Variants in KAT2B observed in about 807,000 individuals in gnomAD.
The protein encoded by KAT2B is histone acetyltransferase KAT2B.
A neutral mutation model predicts 105.9 loss-of-function variants in KAT2B; 36 were observed. That is an observed-to-expected ratio of 0.34 (90% CI 0.26 to 0.45). The LOEUF is 0.45. Among genes scored for constraint, KAT2B ranks in the 20% least tolerant of loss-of-function variants. KAT2B has a pLI of 1.00. For synonymous variants in KAT2B, 397 were observed against 377.9 expected, an observed-to-expected ratio of 1.05 and a Z score of -0.59; for missense variants, 820 against 1,021.6, an observed-to-expected ratio of 0.80 and a Z score of 2.69.
intron 11 of KAT2B, among the ~76,000 whole-genome samples, chr3:20,136,389 A>G (rs1699599337): frequency 1.3e-5 from 2 of 152,180 alleles, no homozygotes; most frequent in Admixed American, 6.5e-5. Flanking sequence ...GGCTTCTCAG[A>G]CCTTACTTGG....
intron 2 of KAT2B, among the ~76,000 whole-genome samples, chr3:20,092,728 A>C (rs940694432): frequency 1.3e-5 from 2 of 150,420 alleles, no homozygotes; most frequent in Non-Finnish European, 3.0e-5. Context: ...TTTGAGATGG[A>C]GTCTCCCTCT....
chr3:20,094,508 A>G (rs1698776087), intron 2 of KAT2B, among the ~76,000 whole-genome samples: 1 of 152,070 alleles, frequency 6.6e-6, no homozygotes, highest in African/African-American at 2.4e-5. Context: ...ACCGCATGGG[A>G]TTGGGGATTA....
At chr3:20,113,753 T>A (rs1291665349) in intron 6 of KAT2B, among the ~76,000 whole-genome samples, 1 of 152,170 alleles carries the variant, frequency 6.6e-6, no homozygotes, top group Non-Finnish European at 1.5e-5. Flanking sequence ...GTCTCTGCAA[T>A]TCTCAGATGT....
At chr3:20,129,145 T>C (rs1483337728) in intron 11 of KAT2B, among the ~76,000 whole-genome samples, 1 of 150,950 alleles carries the variant, frequency 6.6e-6, no homozygotes, top group Non-Finnish European at 1.5e-5. Context: ...CCAATAGAAA[T>C]ATAAAGCAGC....
chr3:20,147,211 A>G (rs1699795786), intron 14 of KAT2B, among the ~76,000 whole-genome samples: 1 of 152,238 alleles, frequency 6.6e-6, no homozygotes, highest in African/African-American at 2.4e-5. Flanking sequence ...TGGACAAGAT[A>G]TATCACTTTA....
intron 2 of KAT2B, among the ~76,000 whole-genome samples, chr3:20,076,469 A>G (rs745647726): frequency 7.9e-5 from 12 of 152,218 alleles, no homozygotes; most frequent in Non-Finnish European, 1.6e-4. Flanking sequence ...TGGTCTTAGT[A>G]TAACAGCTCT....
At chr3:20,105,394 G>A (rs76025131) in intron 5 of KAT2B, among the ~76,000 whole-genome samples, 2,120 of 152,280 alleles carry the variant, frequency 0.014, 48 homozygotes, top group African/African-American at 0.049. Flanking sequence ...TCTGCTGAAG[G>A]AAAGTGCAAG....
intron 9 of KAT2B, among the ~76,000 whole-genome samples, chr3:20,124,874 G>A (rs1699371316): frequency 6.6e-6 from 1 of 152,194 alleles, no homozygotes; most frequent in Non-Finnish European, 1.5e-5. Flanking sequence ...TCCTTGAAGA[G>A]CTGTTTGTGG....
chr3:20,111,485 G>A, intron 5 of KAT2B, 111 bp from the exon 6 acceptor site: 1 of 826,358 alleles, frequency 1.2e-6, no homozygotes, highest in Non-Finnish European at 1.9e-6. Context: ...TGTTATTGCA[G>A]GCCTAGTTTT....
intron 6 of KAT2B, among the ~76,000 whole-genome samples, chr3:20,114,114 C>T (rs957443516): frequency 1.3e-5 from 2 of 151,950 alleles, no homozygotes; most frequent in African/African-American, 4.8e-5. Flanking sequence ...CTTTTTAAAT[C>T]ACCTGCCCTA....
At chr3:20,049,968 G>A (rs1697886225) in intron 1 of KAT2B, among the ~76,000 whole-genome samples, 1 of 152,196 alleles carries the variant, frequency 6.6e-6, no homozygotes. Context: ...GGGAGGCTGA[G>A]GCAGGCGGAT....
rs142082974 is a variant in KAT2B, at chr3:20,101,432, A to G, written c.815A>G (p.Asn272Ser). ...APSQRRLRSP[N>S]DDISGYKENY... ...TCTCAACGAAGACTGCGATCTCCCA[A>G]TGATGATATTTCTGGATACAAAGAG... The change falls in exon 5 of 18, where the codon AAT becomes AGT. Residue 272 changes from asparagine to serine, a missense_variant. Asn to Ser is a conservative substitution (Grantham distance 46). Around this residue, in one of 6 missense-constraint regions of KAT2B, gnomAD observed 173 missense variants for 249.5 expected, o/e 0.69. Coordinates refer to ENST00000263754, the MANE Select transcript of KAT2B (RefSeq NM_003884.5). 3.2e-5 allele frequency: 51 copies of G among 1,613,902 alleles called. No individual in the cohort carries two copies. The highest frequency in any genetic ancestry group is 5.3e-5 in the African/African-American group (4 of 74,904).
In KAT2B at chr3:20,103,436, G is replaced by A. The variant is rs969184963; in HGVS notation, c.851+1968G>A. Among the ~76,000 whole-genome samples, 22 of 152,070 alleles carry A rather than the reference G, an allele frequency of 1.4e-4. 1 individual carries two copies. Among genetic ancestry groups the A allele is most frequent in the African/African-American group, 4.8e-4 (20 of 41,402 alleles). ...TATTTTTATTTTTTTTAGAGATGGT[G>A]TCTTATTCTGTATCCTGGGCTGGAG... On this transcript the variant is annotated intron_variant, in intron 5 of 17. Coordinates refer to ENST00000263754, the MANE Select transcript of KAT2B (RefSeq NM_003884.5).
At chr3:20,146,697 C>T (rs1481632122) in intron 14 of KAT2B, 5 of 240,832 alleles carry the variant, frequency 2.1e-5, no homozygotes, top group East Asian at 1.6e-4. Context: ...TAGCACAGTG[C>T]GAATTATTAC....
chr3:20,086,400 A>G (rs899227329), intron 2 of KAT2B, among the ~76,000 whole-genome samples: 6 of 152,146 alleles, frequency 3.9e-5, no homozygotes, highest in African/African-American at 1.4e-4. Flanking sequence ...GGAGTTCAAG[A>G]CTAGCCTGGG....
chr3:20,085,762 T>G (rs1698603321), intron 2 of KAT2B, among the ~76,000 whole-genome samples: 2 of 152,060 alleles, frequency 1.3e-5, no homozygotes. Flanking sequence ...CCACCTGCCT[T>G]GGCCTCCCAA....
At chr3:20,132,925 G>C (rs1376316780) in intron 11 of KAT2B, among the ~76,000 whole-genome samples, 1 of 152,184 alleles carries the variant, frequency 6.6e-6, no homozygotes, top group African/African-American at 2.4e-5. Flanking sequence ...GTGTTAAAGT[G>C]AATTTCATTA....
rs772771300 is a variant in KAT2B at position 20,040,785 on chromosome 3, G to A, written c.303+5G>A. 1 of 1,585,484 alleles carries A rather than the reference G, an allele frequency of 6.3e-7. No individual in the cohort carries two copies. Among genetic ancestry groups the A allele is most frequent in the Admixed American group, 1.7e-5 (1 of 58,732 alleles). On this transcript the variant is annotated splice_donor_5th_base_variant and intron_variant, in intron 1 of 17. Transcript: ENST00000263754. Reference sequence around the variant, plus strand: ...GGAGTGTACTCCGCCTGCAAGGTACGCGCTCGCCGCTCTCGGACCGCGGAT... The same window carrying A: ...GGAGTGTACTCCGCCTGCAAGGTACACGCTCGCCGCTCTCGGACCGCGGAT...
chr3:20,127,381 A>T (rs779572932), intron 10 of KAT2B, 42 bp from the exon 11 acceptor site: 18 of 1,566,446 alleles, frequency 1.1e-5, no homozygotes, highest in Non-Finnish European at 2.6e-6. Flanking sequence ...ATATTTATAT[A>T]ACTAGGATAG....
Sources: gnomAD v4.1 joint callset for allele counts (sites outside exome capture counted in the v4.1 genomes callset) on GRCh38, gnomAD v4.1.1 for gene constraint, gnomAD v4.1.1 regional missense constraint, MANE v1.5 for transcripts, NCBI Gene and HGNC (gene_info 2026-07-23, HGNC 2026-07-21) for gene names.